Variants in TENT4A observed in about 807,000 individuals in gnomAD.
TENT4A encodes DNA polymerase kappa.
TENT4A carries 7 observed loss-of-function variants against 72.8 expected under a neutral mutation model. The ratio of observed to expected loss-of-function variants is 0.10; its 90% CI spans 0.05 to 0.18. The LOEUF (loss-of-function observed/expected upper bound fraction) is 0.18. Among genes scored for constraint, TENT4A ranks in the 10% least tolerant of loss-of-function variants. The pLI, the probability that TENT4A is intolerant of heterozygous loss-of-function variation, is 1.00. For synonymous variants in TENT4A, 456 were observed against 434.3 expected (o/e 1.05, Z -0.62); for missense variants, 831 against 1,017.7 (o/e 0.82, Z 2.50).
chr5:6,753,201 A>G (rs1332037908), intron 12 of TENT4A, among the ~76,000 whole-genome samples, 164 bp downstream of exon 12: 2 of 152,214 alleles, frequency 1.3e-5, no homozygotes, highest in Non-Finnish European at 2.9e-5. Context: ...ACAAAACTTA[A>G]AAAAGTTAAA....
chr5:6,730,104 C>T (rs949667267), intron 1 of TENT4A, among the ~76,000 whole-genome samples: 2 of 149,872 alleles, frequency 1.3e-5, no homozygotes, highest in Non-Finnish European at 3.0e-5. Context: ...CGCCCCCCCC[C>T]GGAGTGGCCC....
intron 1 of TENT4A, among the ~76,000 whole-genome samples, chr5:6,732,151 A>G (rs528866263): frequency 2.0e-5 from 3 of 152,352 alleles, no homozygotes; most frequent in South Asian, 2.1e-4. Context: ...GGGAGGAGCC[A>G]GCTCTGCCCT....
At chr5:6,727,589 G>A (rs1740997230) in intron 1 of TENT4A, among the ~76,000 whole-genome samples, 1 of 152,176 alleles carries the variant, frequency 6.6e-6, no homozygotes, top group Non-Finnish European at 1.5e-5. Flanking sequence ...CATTGTGCCA[G>A]AGTGCTGTCC....
At chr5:6,738,635 CT>C (rs760920045) in intron 2 of TENT4A, 47 bp from the exon 3 acceptor site, 2 of 1,384,718 alleles carry the variant, frequency 1.4e-6, no homozygotes, top group Non-Finnish European at 2.1e-6. Flanking sequence ...GGTAGTGTGA[CT>C]GCTTGGTTTG....
rs568676743 is a variant in TENT4A, at chr5:6,728,303, G to T, written c.717-9207G>T. On this transcript the variant is annotated intron_variant, in intron 1 of 12. Transcript: ENST00000230859. ...AATGAGTATTCATCACCAATGAATA[G>T]TAACAGTTTTTTTTACTAAGGCTAT... is the stretch of plus-strand genomic sequence containing the variant. Among the ~76,000 whole-genome samples, 9 of 152,236 alleles carry T rather than the reference G, an allele frequency of 5.9e-5. No individual in the cohort carries two copies. The South Asian group carries it at 1.9e-3, about 31-fold the overall frequency.
At chr5:6,753,342 T>C (rs1742516314) in intron 12 of TENT4A, among the ~76,000 whole-genome samples, 1 of 152,200 alleles carries the variant, frequency 6.6e-6, no homozygotes, top group African/African-American at 2.4e-5. Flanking sequence ...TTTACATAAT[T>C]CATTTATATG....
intron 10 of TENT4A, 28 bp downstream of exon 10, chr5:6,750,531 C>G: frequency 6.5e-7 from 1 of 1,539,134 alleles, no homozygotes; most frequent in Non-Finnish European, 8.8e-7. Flanking sequence ...CTCCGTGTGT[C>G]TGTTGGACAG....
At chr5:6,724,500 G>A (rs977163915) in intron 1 of TENT4A, among the ~76,000 whole-genome samples, 1 of 152,094 alleles carries the variant, frequency 6.6e-6, no homozygotes, top group Non-Finnish European at 1.5e-5. Flanking sequence ...AGAGTTTGTG[G>A]TTCTGACTCA....
chr5:6,727,121 G>A (rs1740972213), intron 1 of TENT4A, among the ~76,000 whole-genome samples: 2 of 152,122 alleles, frequency 1.3e-5, no homozygotes, highest in East Asian at 3.9e-4. Context: ...TGTTTCTGTG[G>A]AGCAGGGCAT....
intron 1 of TENT4A, among the ~76,000 whole-genome samples, chr5:6,727,207 T>C (rs530316347): frequency 6.6e-5 from 10 of 152,294 alleles, no homozygotes; most frequent in African/African-American, 2.4e-4. Flanking sequence ...TTTTCCACTG[T>C]GTTGCCCTCA....
In TENT4A at chr5:6,732,975, G is replaced by A. The variant is rs116523529; in HGVS notation, c.717-4535G>A. ...TCAAAATGGTGACAGAATCTAAGAC[G>A]AGGCTAGAAGTCACCACGGAGCAGT... On this transcript the variant is annotated intron_variant, in intron 1 of 12. Coordinates refer to ENST00000230859, the MANE Select transcript of TENT4A (RefSeq NM_006999.6). Among the ~76,000 whole-genome samples, 1,268 of 152,296 alleles carry A rather than the reference G, an allele frequency of 8.3e-3. 10 individuals carry two copies. Among genetic ancestry groups the A allele is most frequent in the African/African-American group, 0.028 (1,170 of 41,562 alleles).
rs1311358513 is a variant in TENT4A at position 6,714,586 on chromosome 5, C to T, written c.603C>T (p.Tyr201=). The part of the protein sequence containing the change: ...ENKASTYGLN[Y]LLSGSRAAAL... ...AGGCCAGCACCTACGGCCTCAACTA[C>T]CTGCTGTCCGGCAGCCGCGCGGCCG... The change falls in exon 1 of 13, where the codon TAC becomes TAT. Residue 201 remains tyrosine, a synonymous_variant. Coordinates refer to ENST00000230859, the MANE Select transcript of TENT4A (RefSeq NM_006999.6). The T allele has an allele frequency of 3.3e-6, 4 of 1,198,894 alleles. No individual in the cohort carries two copies. The highest frequency in any genetic ancestry group is 4.1e-6 in the Non-Finnish European group (4 of 966,728). The allele number at this position is 1,198,894 out of a possible 1,614,324, so 74.3% of individuals were successfully genotyped here.
intron 6 of TENT4A, among the ~76,000 whole-genome samples, chr5:6,744,993 A>T (rs1742009996): frequency 6.6e-6 from 1 of 152,122 alleles, no homozygotes; most frequent in African/African-American, 2.4e-5. Context: ...ACCCCACAGG[A>T]GGCCACCACA....
chr5:6,750,500 C>T lies in TENT4A; in HGVS notation c.1857C>T (p.Asp619=), dbSNP rs373115695. ...CTGTGTCTTCACTTTCTGGGAGTGA[C>T]GTTGTAAGTGCCCTCCCCTCCTCCG... The part of the protein sequence containing the change: ...ASSVSSLSGS[D]VDSDTPPCTT... Residue 619 remains aspartate, a synonymous_variant, in exon 10 of 13, where the codon GAC becomes GAT. Coordinates refer to ENST00000230859, the MANE Select transcript of TENT4A (RefSeq NM_006999.6). The T allele has an allele frequency of 2.9e-4, 468 of 1,590,514 alleles. 5 individuals carry two copies. The South Asian group carries it at 4.7e-3, about 16-fold the overall frequency.
Position 6,750,313 on chromosome 5 carries a change from G to A in TENT4A, c.1688-18G>A. On this transcript the variant is annotated intron_variant, in intron 9 of 12. Coordinates refer to ENST00000230859, the MANE Select transcript of TENT4A (RefSeq NM_006999.6). Reference sequence around the variant, plus strand: ...GCAGTTCTCAGGAGTTATTAACCAAGGCTTTTTCCCTCCACAGACAGCAGG... The same window carrying A: ...GCAGTTCTCAGGAGTTATTAACCAAAGCTTTTTCCCTCCACAGACAGCAGG... 5 of 1,598,338 alleles carry A rather than the reference G, an allele frequency of 3.1e-6. No individual in the cohort carries two copies. The highest frequency in any genetic ancestry group is 4.3e-6 in the Non-Finnish European group (5 of 1,172,662).
At chr5:6,714,936 C>T (rs370273208) in intron 1 of TENT4A, 146 of 252,982 alleles carry the variant, frequency 5.8e-4, no homozygotes, top group African/African-American at 3.0e-3. Flanking sequence ...CTGGGTAGGA[C>T]CTGCAGGTAT....
intron 4 of TENT4A, among the ~76,000 whole-genome samples, chr5:6,740,129 G>A (rs1741720038): frequency 6.6e-6 from 1 of 152,148 alleles, no homozygotes; most frequent in South Asian, 2.1e-4. Flanking sequence ...GTGTCTACTT[G>A]TGTTAGGATG....
intron 11 of TENT4A, 176 bp downstream of exon 11, chr5:6,751,373 C>T (rs1309456966): frequency 3.1e-6 from 2 of 650,010 alleles, no homozygotes; most frequent in Non-Finnish European, 5.2e-6. Flanking sequence ...TGAGGTCCCC[C>T]ATGTATAGTT....
chr5:6,734,108 G>A (rs1741345427), intron 1 of TENT4A, among the ~76,000 whole-genome samples: 1 of 152,208 alleles, frequency 6.6e-6, no homozygotes, highest in Non-Finnish European at 1.5e-5. Context: ...CGCTGTTCTG[G>A]GCACCGGAGA....
Sources: gnomAD v4.1 joint callset for allele counts (sites outside exome capture counted in the v4.1 genomes callset) on GRCh38, gnomAD v4.1.1 for gene constraint, MANE v1.5 for transcripts, NCBI Gene and HGNC (gene_info 2026-07-23, HGNC 2026-07-21) for gene names.